The following RASSF1 variants were observed in gnomAD, a reference collection of about 807,000 sequenced individuals.
RASSF1 encodes ras association domain-containing protein 1.
Under a neutral mutation model 34.3 loss-of-function variants are expected in RASSF1, and 33 were observed. The ratio of observed to expected loss-of-function variants is 0.96; its 90% CI spans 0.73 to 1.29. The LOEUF (loss-of-function observed/expected upper bound fraction) is 1.29. Ranked by LOEUF, RASSF1 falls within the 50% of genes most tolerant of loss-of-function variation. RASSF1 has a pLI of 0.00. For missense variants in RASSF1, 445 were observed against 471.8 expected, an observed-to-expected ratio of 0.94 and a Z score of 0.53; for synonymous variants, 191 against 195.0, an observed-to-expected ratio of 0.98 and a Z score of 0.17.
chr3:50,337,338 C>G, intron 2 of RASSF1: 1 of 1,609,192 alleles, frequency 6.2e-7, no homozygotes, highest in Non-Finnish European at 8.5e-7. Context: ...CCGCCCGTCC[C>G]CCAGTCCTGC....
chr3:50,337,633 G>A, intron 2 of RASSF1: 1 of 1,034,708 alleles, frequency 9.7e-7, no homozygotes, highest in Non-Finnish European at 1.4e-6. Flanking sequence ...GTGGCCTCTG[G>A]CCGGAGGCGA....
intron 2 of RASSF1, among the ~76,000 whole-genome samples, chr3:50,333,410 C>T (rs79117849): frequency 6.6e-6 from 1 of 152,126 alleles, no homozygotes; most frequent in Non-Finnish European, 1.5e-5. Flanking sequence ...TCCAATCTGC[C>T]AGAGGTACAC....
intron 2 of RASSF1, 42 bp downstream of exon 2, chr3:50,337,862 GC>G (rs1445911148): frequency 6.6e-7 from 1 of 1,505,048 alleles, no homozygotes; most frequent in Non-Finnish European, 9.2e-7. Flanking sequence ...ACTGTGGCCT[GC>G]CCATCCTCGC....
intron 2 of RASSF1, 88 bp downstream of exon 2, chr3:50,337,817 C>G: frequency 7.7e-7 from 1 of 1,295,420 alleles, no homozygotes; most frequent in Non-Finnish European, 1.1e-6. Context: ...ACGCTCCTTG[C>G]GCGCGGCACC....
Position 50,340,557 on chromosome 3 carries a change from C to CGCGCACT in RASSF1, c.242_248dup (p.His84ValfsTer48), listed in dbSNP as rs1703327645. ...TAGGCGCGCGGGGCCACTACTCACG[C>CGCGCACT]GCGCACTGCAGGCCTTTGCGCACGA... On this transcript the variant is annotated frameshift_variant and splice_region_variant, in exon 1 of 6. Transcript: ENST00000359365. LOFTEE classifies it high-confidence loss of function. 1 of 1,522,700 alleles carries CGCGCACT rather than the reference C, an allele frequency of 6.6e-7. No homozygotes were observed. Among genetic ancestry groups the CGCGCACT allele is most frequent in the Non-Finnish European group, 8.7e-7 (1 of 1,145,950 alleles). The allele number at this position is 1,522,700 out of a possible 1,614,324, so 94.3% of individuals were successfully genotyped here. A position where few individuals can be genotyped will look rare whatever the true frequency, so the allele number is the denominator to read the frequency against.
chr3:50,338,459 T>C (rs1703245907), intron 1 of RASSF1, among the ~76,000 whole-genome samples: 1 of 152,190 alleles, frequency 6.6e-6, no homozygotes, highest in Non-Finnish European at 1.5e-5. Flanking sequence ...TTTGTATTTT[T>C]AGTAGAGACG....
In RASSF1 at chr3:50,330,682, G is replaced by A; in HGVS notation, c.922C>T (p.Leu308=). 6.2e-7 allele frequency: 1 copy of A among 1,614,126 alleles called. No individual in the cohort carries two copies. The highest frequency in any genetic ancestry group is 8.5e-7 in the Non-Finnish European group (1 of 1,179,996). Residue 308 remains leucine, a synonymous_variant, in exon 6 of 6, where the codon CTG becomes TTG. Transcript: ENST00000359365. This position sits in a 1 kb window ranked among gnomAD's most constrained non-coding sequence, Gnocchi z 4.5. ...MPELHNFLRI[L]QREEEEHLRQ... ...AGGTGCTCCTCCTCCTCCCGCTGCA[G>A]GATACGTAGGAAGTTATGTAGTTCA... is the stretch of plus-strand genomic sequence containing the variant.
chr3:50,337,586 CG>C (rs1240795675), intron 2 of RASSF1: 23 of 1,316,832 alleles, frequency 1.7e-5, no homozygotes, highest in Non-Finnish European at 2.3e-5. Context: ...CCACAGGGAA[CG>C]GGGGCGGGTG....
intron 1 of RASSF1, among the ~76,000 whole-genome samples, 179 bp downstream of exon 1, chr3:50,340,377 T>C (rs911327563): frequency 6.6e-6 from 1 of 152,088 alleles, no homozygotes; most frequent in African/African-American, 2.4e-5. Flanking sequence ...CAGATACGAG[T>C]GGAGTGCGAC....
chr3:50,333,636 C>T (rs1373698296), intron 2 of RASSF1, among the ~76,000 whole-genome samples: 1 of 152,154 alleles, frequency 6.6e-6, no homozygotes. Flanking sequence ...GCCACAACAA[C>T]ACCCGGCTAA....
rs770776005 is a variant in RASSF1 at position 50,337,930 on chromosome 3, G to C, written c.332C>G (p.Pro111Arg). Residue 111 changes from proline to arginine, a missense_variant, in exon 2 of 6, where the codon CCC becomes CGC. Transcript: ENST00000359365. ...CCGPRDLGWE[P>R]AVERDTNVDE... ...CACGTTCGTGTCCCGCTCCACCGCG[G>C]GTTCCCAGCCCAGGTCCCGGGGCCC... The C allele has an allele frequency of 1.2e-6, 2 of 1,612,128 alleles. No homozygotes were observed. The highest frequency in any genetic ancestry group is 2.2e-5 in the South Asian group (2 of 90,850).
At chr3:50,332,294 C>G (rs1702980070) in intron 2 of RASSF1, 140 bp from the exon 3 acceptor site, 2 of 644,728 alleles carry the variant, frequency 3.1e-6, no homozygotes, top group African/African-American at 3.6e-5. Flanking sequence ...TGGTGCCCAC[C>G]CTGAACCCAC....
At position 50,340,560 on chromosome 3, in the gene RASSF1, G is replaced by T; in HGVS notation, c.246C>A (p.Cys82Ter). The change falls in exon 1 of 6, where the codon TGC (cysteine) becomes TGA (stop). Residue 82 changes from cysteine (C) to a stop codon, truncating the protein, a stop_gained. Coordinates refer to ENST00000359365, the MANE Select transcript of RASSF1 (RefSeq NM_007182.5). LOFTEE classifies it high-confidence loss of function. ...GCGCGCGGGGCCACTACTCACGCGCGCACTGCAGGCCTTTGCGCACGACGC... is the reference window on the plus strand; with the variant it reads ...GCGCGCGGGGCCACTACTCACGCGCTCACTGCAGGCCTTTGCGCACGACGC... ...IWGVVRKGLQ[C>*]AHCKFTCHYR... 1 of 1,523,816 alleles carries T rather than the reference G, an allele frequency of 6.6e-7. No individual in the cohort carries two copies. Among genetic ancestry groups the T allele is most frequent in the South Asian group, 1.2e-5 (1 of 83,080 alleles). 94.4% of individuals were successfully genotyped at this position (1,523,816 alleles called of 1,614,324 possible).
At position 50,340,692 on chromosome 3, in the gene RASSF1, G is replaced by C. The variant is rs745745707; in HGVS notation, c.114C>G (p.Thr38=). Residue 38 remains threonine, a synonymous_variant, in exon 1 of 6, where the codon ACC becomes ACG. Transcript: ENST00000359365. ...RANALRIARG[T]ACNPTRQLVP... ...CCAGCTGCCGTGTGGGGTTGCACGC[G>C]GTGCCCCGCGCGATGCGCAGCGCGT... The C allele has an allele frequency of 4.6e-6, 7 of 1,531,650 alleles. 1 individual carries two copies. In the South Asian group the frequency reaches 7.1e-5, roughly 16 times the overall value. 94.9% of individuals were successfully genotyped at this position (1,531,650 alleles called of 1,614,324 possible).
chr3:50,330,414 A>T lies in RASSF1; in HGVS notation c.*167T>A, dbSNP rs1702890404. On this transcript the variant is annotated 3_prime_UTR_variant, in exon 6 of 6. Coordinates refer to ENST00000359365, the MANE Select transcript of RASSF1 (RefSeq NM_007182.5). The surrounding 1 kb of genome is among the most constrained non-coding windows in gnomAD (Gnocchi z 4.5). ...CAGAGCCATACCTGGCTACACCCAC[A>T]GGTGGACACAGGGAGCAAGCTACTT... 1 of 930,694 alleles carries T rather than the reference A, an allele frequency of 1.1e-6. No homozygotes were observed. Among genetic ancestry groups the T allele is most frequent in the Non-Finnish European group, 1.6e-6 (1 of 629,076 alleles). The allele number at this position is 930,694 out of a possible 1,614,324, so 57.7% of individuals were successfully genotyped here.
chr3:50,340,369 G>C (rs867252216), intron 1 of RASSF1, among the ~76,000 whole-genome samples, 187 bp downstream of exon 1: 7 of 152,234 alleles, frequency 4.6e-5, no homozygotes, highest in Admixed American at 2.0e-4. Flanking sequence ...CTGTGGCCCA[G>C]ATACGAGTGG....
chr3:50,331,471 CAG>C, intron 4 of RASSF1, 22 bp from the exon 5 acceptor site: 1 of 1,576,064 alleles, frequency 6.3e-7, no homozygotes. Flanking sequence ...AAGTAATGAT[CAG>C]AGACAGGGCC....
At position 50,331,575 on chromosome 3, in the gene RASSF1, A is replaced by AGC. The variant is rs765195666; in HGVS notation, c.742_743dup (p.Glu249LeufsTer32). ...GAAGCCCACCTTGGCCGTGACGCTC[A>AGC]GCGCGCTCAAAGAGTGCAAACTTGC... is the stretch of plus-strand genomic sequence containing the variant. On this transcript the variant is annotated frameshift_variant, in exon 4 of 6. Transcript: ENST00000359365. LOFTEE classifies it high-confidence loss of function. 6.3e-7 allele frequency: 1 copy of AGC among 1,594,190 alleles called. No homozygotes were observed. The highest frequency in any genetic ancestry group is 8.6e-7 in the Non-Finnish European group (1 of 1,163,974).
rs1188624762 is a variant in RASSF1 at position 50,340,819 on chromosome 3, C to T, written c.-14G>A. On this transcript the variant is annotated 5_prime_UTR_variant, in exon 1 of 6. Transcript: ENST00000359365. ...CTCCCCCGACATGGCCCGGTTGGGCCCGTGCTTCGCTGGCTTTGGGCGCTA... is the reference window on the plus strand; with the variant it reads ...CTCCCCCGACATGGCCCGGTTGGGCTCGTGCTTCGCTGGCTTTGGGCGCTA... 1 of 1,458,924 alleles carries T rather than the reference C, an allele frequency of 6.9e-7. No individual in the cohort carries two copies. Among genetic ancestry groups the T allele is most frequent in the Non-Finnish European group, 9.0e-7 (1 of 1,109,968 alleles). 90.4% of individuals were successfully genotyped at this position (1,458,924 alleles called of 1,614,324 possible). A position where few individuals can be genotyped will look rare whatever the true frequency, so the allele number is the denominator to read the frequency against.
Sources: gnomAD v4.1 joint callset for allele counts (sites outside exome capture counted in the v4.1 genomes callset) on GRCh38, gnomAD v4.1.1 for gene constraint, Gnocchi (gnomAD v3.1) non-coding constraint, MANE v1.5 for transcripts, NCBI Gene and HGNC (gene_info 2026-07-23, HGNC 2026-07-21) for gene names.